The following PTPN20 variants were observed in gnomAD, a reference collection of about 807,000 sequenced individuals.
PTPN20 encodes tyrosine-protein phosphatase non-receptor type 20.
Under a neutral mutation model 35.0 loss-of-function variants are expected in PTPN20, and 9 were observed. The observed-to-expected ratio is 0.26, with a 90% CI of 0.15 to 0.45. The LOEUF is 0.45. PTPN20 is among the 20% of genes least tolerant of loss of function. PTPN20 has a pLI of 1.00. For missense variants in PTPN20, 111 were observed against 312.5 expected (o/e 0.36, Z 4.86); for synonymous variants, 32 against 100.2 (o/e 0.32, Z 4.06).
intron 9 of PTPN20, among the ~76,000 whole-genome samples, chr10:46,999,671 T>C (rs1218367786): frequency 4.6e-5 from 7 of 152,178 alleles, no homozygotes; most frequent in African/African-American, 1.7e-4. Flanking sequence ...AAGGGCAAAT[T>C]TATTACTTAT....
At chr10:46,953,582 T>TAA (rs2047503402) in intron 5 of PTPN20, among the ~76,000 whole-genome samples, 2 of 138,362 alleles carry the variant, frequency 1.4e-5, no homozygotes, top group Non-Finnish European at 3.0e-5. Flanking sequence ...TAAGGGAGCC[T>TAA]TCCTATTATC....
chr10:46,938,071 C>T (rs2042325507), intron 2 of PTPN20, among the ~76,000 whole-genome samples: 1 of 151,892 alleles, frequency 6.6e-6, no homozygotes, highest in African/African-American at 2.4e-5. Flanking sequence ...CTGCCTCAGC[C>T]TCCTGAGTAG....
chr10:46,999,928 T>G lies in PTPN20; in HGVS notation c.1151T>G (p.Ile384Arg). The G allele has an allele frequency of 6.2e-7, 1 of 1,613,780 alleles. No homozygotes were observed. Among genetic ancestry groups the G allele is most frequent in the Non-Finnish European group, 8.5e-7 (1 of 1,179,722 alleles). The change falls in exon 10 of 11, where the codon ATA becomes AGA. Residue 384 changes from isoleucine to arginine, a missense_variant. By Grantham distance (97) the Ile-to-Arg change is moderately conservative. Coordinates refer to ENST00000374339, the MANE Select transcript of PTPN20 (RefSeq NM_001042357.5). ...VKNCSFNIMD[I>R]VAQMREQRSG... ...TTATTACAGTTCAACATCATGGATA[T>G]AGTGGCCCAAATGAGAGAACAACGT...
chr10:46,928,706 GC>G (rs1187853632), intron 1 of PTPN20, among the ~76,000 whole-genome samples: 14 of 145,576 alleles, frequency 9.6e-5, no homozygotes, highest in Admixed American at 5.5e-4. Context: ...AAAACTAAGA[GC>G]CATTATTAAA....
intron 7 of PTPN20, among the ~76,000 whole-genome samples, chr10:46,975,862 T>C (rs1422974320): frequency 4.6e-5 from 7 of 151,046 alleles, no homozygotes; most frequent in Admixed American, 3.3e-4. Flanking sequence ...GTTTTCTCCA[T>C]GTTGGTCAGG....
chr10:46,994,645 A>T (rs1265920030), intron 9 of PTPN20, among the ~76,000 whole-genome samples: 1 of 152,008 alleles, frequency 6.6e-6, no homozygotes. Context: ...TGATGCTCTT[A>T]TACCTGAATA....
rs71465454 is a variant in PTPN20 at position 46,935,306 on chromosome 10, G to GTTT, written c.34+2790_34+2792dup. 6.2e-3 allele frequency among the ~76,000 whole-genome samples: 669 copies of GTTT among 107,474 alleles called. 17 individuals carry two copies. The highest frequency in any genetic ancestry group is 0.025 in the African/African-American group (603 of 23,966). 70.5% of individuals were successfully genotyped at this position (107,474 alleles called of 152,430 possible). ...GCAGCAAAGGACATGATTTCATTCT[G>GTTT]TTTTTTTTTTTTTTTTTTTATTGTT... is the stretch of plus-strand genomic sequence containing the variant. On this transcript the variant is annotated intron_variant, in intron 2 of 10. Transcript: ENST00000374339.
intron 7 of PTPN20, among the ~76,000 whole-genome samples, chr10:46,983,377 T>C (rs2056130224): frequency 6.6e-6 from 1 of 150,958 alleles, no homozygotes; most frequent in South Asian, 2.1e-4. Context: ...GTGGTCCATG[T>C]GATTCTGAGT....
At chr10:46,966,282 CTGT>C (rs1325873039) in intron 6 of PTPN20, among the ~76,000 whole-genome samples, 1 of 150,882 alleles carries the variant, frequency 6.6e-6, no homozygotes, top group Non-Finnish European at 1.5e-5. Context: ...ATTTTTTCTG[CTGT>C]TGTTTGTGTT....
intron 5 of PTPN20, among the ~76,000 whole-genome samples, chr10:46,948,739 A>G (rs1288691035): frequency 1.3e-5 from 2 of 151,860 alleles, no homozygotes; most frequent in African/African-American, 4.8e-5. Flanking sequence ...CCAGCAGTAG[A>G]CTGGTGCTTG....
At chr10:46,992,084 A>C (rs1401209455) in intron 9 of PTPN20, among the ~76,000 whole-genome samples, 1 of 149,618 alleles carries the variant, frequency 6.7e-6, no homozygotes, top group Non-Finnish European at 1.5e-5. Context: ...GTCTCTTTAC[A>C]TAATCTCTTA....
intron 7 of PTPN20, among the ~76,000 whole-genome samples, chr10:46,975,602 A>C (rs2053281913): frequency 6.6e-6 from 1 of 151,826 alleles, no homozygotes; most frequent in Admixed American, 6.6e-5. Context: ...TGGGATTCAA[A>C]CCCAGGCCTA....
downstream of PTPN20, chr10:47,002,446 T>C (rs2060116981): frequency 6.6e-6 from 1 of 151,998 alleles, no homozygotes; most frequent in African/African-American, 2.4e-5. Context: ...GCTGGACTAA[T>C]TTTTAGTTTT....
At chr10:46,941,299 A>C in intron 3 of PTPN20, among the ~76,000 whole-genome samples, 1 of 137,722 alleles carries the variant, frequency 7.3e-6, no homozygotes, top group Non-Finnish European at 1.5e-5. Context: ...AATAGAGATA[A>C]AGTCAGTACA....
At chr10:46,992,195 T>C (rs1355086425) in intron 9 of PTPN20, among the ~76,000 whole-genome samples, 1 of 150,936 alleles carries the variant, frequency 6.6e-6, no homozygotes, top group Non-Finnish European at 1.5e-5. Context: ...TGATCTCAGC[T>C]CACTACATCC....
intron 5 of PTPN20, among the ~76,000 whole-genome samples, chr10:46,953,832 T>C (rs1313203010): frequency 6.8e-6 from 1 of 146,578 alleles, no homozygotes; most frequent in Non-Finnish European, 1.5e-5. Context: ...GAAGACTTTT[T>C]TTGTGTTTAT....
intron 1 of PTPN20, among the ~76,000 whole-genome samples, chr10:46,928,334 TAG>T (rs1337527979): frequency 6.6e-6 from 1 of 151,946 alleles, no homozygotes; most frequent in Non-Finnish European, 1.5e-5. Flanking sequence ...ATCTTTATCC[TAG>T]AGTTTCTGTA....
intron 5 of PTPN20, among the ~76,000 whole-genome samples, chr10:46,960,773 C>CCATGGTTTCACTCTT (rs1555157478): frequency 2.0e-5 from 3 of 151,590 alleles, no homozygotes; most frequent in Non-Finnish European, 4.4e-5. Context: ...AATGTCTTAT[C>CCATGGTTTCACTCTT]CATGGTTTCA....
At chr10:46,983,078 T>TTG (rs782581069) in intron 7 of PTPN20, among the ~76,000 whole-genome samples, 1 of 140,792 alleles carries the variant, frequency 7.1e-6, no homozygotes, top group Non-Finnish European at 1.5e-5. Flanking sequence ...TTTTTTTTTT[T>TTG]TTTTTTTTGT....
Sources: allele counts gnomAD v4.1 joint callset (sites outside exome capture counted in the v4.1 genomes callset), GRCh38; gene constraint gnomAD v4.1.1; transcripts MANE v1.5; gene names NCBI Gene and HGNC (gene_info 2026-07-23, HGNC 2026-07-21).